Variants in AKAP13 observed in about 807,000 individuals in gnomAD.
The protein encoded by AKAP13 is A-kinase anchor protein 13.
Under a neutral mutation model 264.5 loss-of-function variants are expected in AKAP13, and 80 were observed. The observed-to-expected ratio is 0.30, with a 90% CI of 0.25 to 0.36. AKAP13 has a LOEUF of 0.36. AKAP13 is among the 10% of genes least tolerant of loss of function. The pLI is 1.00. For missense variants in AKAP13, 3,712 were observed against 3,435.2 expected, an observed-to-expected ratio of 1.08 and a Z score of -2.01; for synonymous variants, 1,380 against 1,250.2, an observed-to-expected ratio of 1.10 and a Z score of -2.19.
intron 10 of AKAP13, among the ~76,000 whole-genome samples, chr15:85,649,962 TC>T (rs1034442039): frequency 4.6e-5 from 7 of 152,172 alleles, no homozygotes; most frequent in East Asian, 3.9e-4. Context: ...ATGTTATTTT[TC>T]TTCCCCAGGT....
chr15:85,562,340 G>A (rs534309035), intron 5 of AKAP13, among the ~76,000 whole-genome samples: 16 of 151,902 alleles, frequency 1.1e-4, no homozygotes, highest in East Asian at 5.8e-4. Flanking sequence ...CGAGGCGTGC[G>A]GATCACCTGA....
intron 1 of AKAP13, among the ~76,000 whole-genome samples, chr15:85,412,009 T>C (rs2071995115): frequency 6.6e-6 from 1 of 152,218 alleles, no homozygotes; most frequent in Admixed American, 6.5e-5. Context: ...TATTAACAAA[T>C]GTGATTTTTG....
chr15:85,636,425 T>C (rs1329620815), intron 8 of AKAP13, among the ~76,000 whole-genome samples: 1 of 152,176 alleles, frequency 6.6e-6, no homozygotes, highest in Non-Finnish European at 1.5e-5. Flanking sequence ...CTCCAGAATA[T>C]TGTTGAATAA....
chr15:85,495,974 C>T (rs1449855863), intron 2 of AKAP13, among the ~76,000 whole-genome samples: 4 of 152,126 alleles, frequency 2.6e-5, no homozygotes, highest in South Asian at 4.1e-4. Context: ...GAATAGGGAC[C>T]GTTCCTTATG....
chr15:85,694,641 G>A (rs932671061), intron 17 of AKAP13, among the ~76,000 whole-genome samples: 1 of 152,230 alleles, frequency 6.6e-6, no homozygotes, highest in East Asian at 1.9e-4. Flanking sequence ...CTGTAAGGCA[G>A]TGCATCTCAA....
intron 1 of AKAP13, among the ~76,000 whole-genome samples, chr15:85,456,319 A>G (rs1332461366): frequency 6.6e-6 from 1 of 152,150 alleles, no homozygotes; most frequent in East Asian, 1.9e-4. Flanking sequence ...ATTGAGGATG[A>G]CTGTTAATAA....
chr15:85,521,677 G>A, intron 3 of AKAP13, 102 bp downstream of exon 3: 2 of 1,294,172 alleles, frequency 1.5e-6, no homozygotes, highest in African/African-American at 1.5e-5. Flanking sequence ...AGTGTAGACA[G>A]TATAAAAAAA....
chr15:85,691,344 G>T (rs1359990924), intron 16 of AKAP13, among the ~76,000 whole-genome samples: 3 of 152,306 alleles, frequency 2.0e-5, no homozygotes, highest in African/African-American at 7.2e-5. Flanking sequence ...ACCTTTTATG[G>T]AGAGCATGGT....
chr15:85,384,242 C>T (rs757711626), intron 1 of AKAP13, among the ~76,000 whole-genome samples: 2 of 152,160 alleles, frequency 1.3e-5, no homozygotes, highest in Admixed American at 6.5e-5. Flanking sequence ...CAAAGCTAGG[C>T]GAAGAAAGTT....
intron 19 of AKAP13, among the ~76,000 whole-genome samples, chr15:85,714,543 G>C (rs998716586): frequency 6.6e-6 from 1 of 152,218 alleles, no homozygotes; most frequent in Non-Finnish European, 1.5e-5. Flanking sequence ...GTAGACTCTT[G>C]GGTTCCACCC....
chr15:85,659,123 G>T (rs2151529748), intron 12 of AKAP13, among the ~76,000 whole-genome samples: 1 of 152,320 alleles, frequency 6.6e-6, no homozygotes, highest in East Asian at 1.9e-4. Context: ...AGAGGCATAA[G>T]TTCATTCCTT....
chr15:85,416,253 T>A (rs2072239797), intron 1 of AKAP13, among the ~76,000 whole-genome samples: 1 of 152,190 alleles, frequency 6.6e-6, no homozygotes, highest in South Asian at 2.1e-4. Flanking sequence ...TGTGCCAGGT[T>A]CTTGGGGAAG....
At chr15:85,441,485 A>C (rs1020771254) in intron 1 of AKAP13, among the ~76,000 whole-genome samples, 1 of 152,114 alleles carries the variant, frequency 6.6e-6, no homozygotes, top group Admixed American at 6.5e-5. Flanking sequence ...TGTCTTTTGA[A>C]GAGGAAAAGT....
intron 19 of AKAP13, among the ~76,000 whole-genome samples, chr15:85,711,402 T>C (rs2086628334): frequency 1.3e-5 from 2 of 152,194 alleles, no homozygotes; most frequent in African/African-American, 4.8e-5. Context: ...TTAATGTATG[T>C]CCTTCTAATC....
chr15:85,705,011 C>G (rs1405673662), intron 17 of AKAP13, among the ~76,000 whole-genome samples: 1 of 152,176 alleles, frequency 6.6e-6, no homozygotes, highest in African/African-American at 2.4e-5. Context: ...TCCATGCAAA[C>G]TATCACTAAG....
intron 14 of AKAP13, among the ~76,000 whole-genome samples, chr15:85,677,926 G>T (rs2084343634): frequency 1.3e-5 from 2 of 152,116 alleles, no homozygotes; most frequent in African/African-American, 2.4e-5. Context: ...GGGATTACAG[G>T]CATGAGCCAC....
chr15:85,454,426 C>A (rs1567065311), intron 1 of AKAP13, among the ~76,000 whole-genome samples: 1 of 152,064 alleles, frequency 6.6e-6, no homozygotes, highest in Admixed American at 6.5e-5. Context: ...GGGGAGGAAC[C>A]CCTGGCTCCG....
intron 5 of AKAP13, among the ~76,000 whole-genome samples, chr15:85,565,009 AAAAAC>A (rs1236058886): frequency 2.0e-5 from 3 of 152,204 alleles, no homozygotes; most frequent in Non-Finnish European, 4.4e-5. Flanking sequence ...AAGGATGTTT[AAAAAC>A]AATATTAATT....
At chr15:85,740,991 A>C in intron 34 of AKAP13, 55 bp from the exon 35 acceptor site, 1 of 1,547,200 alleles carries the variant, frequency 6.5e-7, no homozygotes, top group Non-Finnish European at 8.7e-7. Flanking sequence ...AGGGATCCAG[A>C]AGCTCGCTGT....
Sources: gnomAD v4.1 joint callset for allele counts (sites outside exome capture counted in the v4.1 genomes callset) on GRCh38, gnomAD v4.1.1 for gene constraint, MANE v1.5 for transcripts, NCBI Gene and HGNC (gene_info 2026-07-23, HGNC 2026-07-21) for gene names.